Variants in MAN1A2 observed in about 807,000 individuals in gnomAD.
MAN1A2 encodes mannosyl-oligosaccharide 1,2-alpha-mannosidase IB.
Under a neutral mutation model 75.7 loss-of-function variants are expected in MAN1A2, and 26 were observed. That is an observed-to-expected ratio of 0.34 (90% CI 0.25 to 0.48). The LOEUF (loss-of-function observed/expected upper bound fraction) is 0.48. MAN1A2 is among the 20% of genes least tolerant of loss of function. The pLI is 0.99. For missense variants in MAN1A2, 562 were observed against 775.5 expected (o/e 0.72, Z 3.27); for synonymous variants, 247 against 264.6 (o/e 0.93, Z 0.65).
chr1:117,393,656 G>A (rs1257748710), intron 1 of MAN1A2, among the ~76,000 whole-genome samples: 6 of 151,982 alleles, frequency 3.9e-5, no homozygotes, highest in Non-Finnish European at 5.9e-5. Context: ...GATTCATTTA[G>A]CATTTTTTTT....
At chr1:117,439,601 C>T (rs1196967935) in intron 5 of MAN1A2, among the ~76,000 whole-genome samples, 1 of 151,852 alleles carries the variant, frequency 6.6e-6, no homozygotes, top group East Asian at 1.9e-4. Flanking sequence ...TCAAATGATT[C>T]TCCGGCCTCA....
chr1:117,481,430 C>G (rs1329712974), intron 8 of MAN1A2, among the ~76,000 whole-genome samples: 1 of 151,946 alleles, frequency 6.6e-6, no homozygotes, highest in Non-Finnish European at 1.5e-5. Flanking sequence ...ATTTGACCCT[C>G]TTACTGTCCT....
intron 8 of MAN1A2, among the ~76,000 whole-genome samples, chr1:117,478,100 G>A (rs754309063): frequency 6.6e-6 from 1 of 151,956 alleles, no homozygotes; most frequent in Non-Finnish European, 1.5e-5. Flanking sequence ...CCTCTTCAAG[G>A]AGAACTACAA....
chr1:117,428,029 A>G (rs1390615550), intron 5 of MAN1A2, among the ~76,000 whole-genome samples: 3 of 152,116 alleles, frequency 2.0e-5, no homozygotes, highest in African/African-American at 7.2e-5. Flanking sequence ...AATCCCTGGG[A>G]CAAACATTAA....
At chr1:117,376,454 C>T (rs937997073) in intron 1 of MAN1A2, among the ~76,000 whole-genome samples, 1 of 152,230 alleles carries the variant, frequency 6.6e-6, no homozygotes, top group Non-Finnish European at 1.5e-5. Flanking sequence ...ACCCTGCTAA[C>T]GTGGTACAAA....
intron 1 of MAN1A2, among the ~76,000 whole-genome samples, chr1:117,394,301 C>G (rs1212332666): frequency 6.6e-6 from 1 of 152,078 alleles, no homozygotes; most frequent in African/African-American, 2.4e-5. Context: ...CCAGGATGGT[C>G]TCAATCTCCT....
rs1651938647 is a variant in MAN1A2, at chr1:117,523,968, C to T, written c.*1011C>T. On this transcript the variant is annotated 3_prime_UTR_variant, in exon 13 of 13. Transcript: ENST00000356554. The stretch of plus-strand genomic sequence containing the variant: ...GCAGCTCTAAATTTGCCTTGATAAG[C>T]TAAATAAATTACTTTTATAACTTAC... The T allele has an allele frequency of 6.6e-6, 1 of 152,188 alleles. No homozygotes were observed. The highest frequency in any genetic ancestry group is 1.5e-5 in the Non-Finnish European group (1 of 67,824). 9.4% of individuals were successfully genotyped at this position (152,188 alleles called of 1,614,324 possible).
chr1:117,464,728 C>G (rs959738291), intron 7 of MAN1A2, among the ~76,000 whole-genome samples: 1 of 152,040 alleles, frequency 6.6e-6, no homozygotes, highest in Non-Finnish European at 1.5e-5. Flanking sequence ...CGCCTGCGAA[C>G]TTTGGTGAGG....
At chr1:117,510,150 T>A (rs1269764146) in intron 12 of MAN1A2, among the ~76,000 whole-genome samples, 1 of 151,984 alleles carries the variant, frequency 6.6e-6, no homozygotes, top group Non-Finnish European at 1.5e-5. Flanking sequence ...TTATAAACAG[T>A]GCTTCAGTGA....
At chr1:117,429,585 C>T (rs1648519634) in intron 5 of MAN1A2, among the ~76,000 whole-genome samples, 3 of 82,490 alleles carry the variant, frequency 3.6e-5, no homozygotes, top group African/African-American at 5.1e-5. Context: ...GGGGGGCTGA[C>T]CCCCCCACCT....
intron 2 of MAN1A2, among the ~76,000 whole-genome samples, chr1:117,404,748 G>C (rs1647559605): frequency 6.6e-6 from 1 of 152,088 alleles, no homozygotes; most frequent in Non-Finnish European, 1.5e-5. Flanking sequence ...TCTGCTTGCT[G>C]TCTGTTTTTT....
chr1:117,444,899 T>A (rs1454357996), intron 6 of MAN1A2, among the ~76,000 whole-genome samples: 1 of 152,178 alleles, frequency 6.6e-6, no homozygotes, highest in South Asian at 2.1e-4. Context: ...TCCATCTATA[T>A]TTTTTACATT....
At chr1:117,386,469 C>T (rs1040478594) in intron 1 of MAN1A2, among the ~76,000 whole-genome samples, 3 of 151,964 alleles carry the variant, frequency 2.0e-5, no homozygotes, top group Non-Finnish European at 4.4e-5. Flanking sequence ...GGTGGTTGTG[C>T]ACAATAAATA....
Position 117,445,884 on chromosome 1 carries a change from G to GTATA in MAN1A2, c.950+3571_950+3574dup, listed in dbSNP as rs59011673. On this transcript the variant is annotated intron_variant, in intron 6 of 12. Coordinates refer to ENST00000356554, the MANE Select transcript of MAN1A2 (RefSeq NM_006699.5). ...TATGTGTGTGTGTGTCTGTGTGTGT[G>GTATA]TATATATATATATATGTATATATGT... Among the ~76,000 whole-genome samples, 587 of 138,750 alleles carry GTATA rather than the reference G, an allele frequency of 4.2e-3. 6 individuals are homozygous for GTATA. The highest frequency in any genetic ancestry group is 0.014 in the African/African-American group (559 of 38,934). 91.0% of individuals were successfully genotyped at this position (138,750 alleles called of 152,430 possible).
At chr1:117,418,947 A>C (rs555037162) in intron 4 of MAN1A2, among the ~76,000 whole-genome samples, 18 of 152,180 alleles carry the variant, frequency 1.2e-4, no homozygotes, top group Non-Finnish European at 2.5e-4. Context: ...GGTGACATTT[A>C]TTCAGAGACC....
At chr1:117,453,300 A>G (rs1304625148) in intron 6 of MAN1A2, among the ~76,000 whole-genome samples, 2 of 152,188 alleles carry the variant, frequency 1.3e-5, no homozygotes, top group African/African-American at 2.4e-5. Flanking sequence ...TATAGCTGCC[A>G]TATATAGTGA....
intron 1 of MAN1A2, among the ~76,000 whole-genome samples, chr1:117,372,169 T>C (rs1389800928): frequency 6.6e-6 from 1 of 152,188 alleles, no homozygotes; most frequent in African/African-American, 2.4e-5. Flanking sequence ...GATTACTTAC[T>C]GGATGGTAAG....
intron 6 of MAN1A2, among the ~76,000 whole-genome samples, chr1:117,450,930 TGG>T (rs1185454932): frequency 6.6e-6 from 1 of 152,136 alleles, no homozygotes; most frequent in Admixed American, 6.5e-5. Context: ...AAGGGAAATG[TGG>T]GGTTGGAGCC....
Position 117,390,357 on chromosome 1 carries a change from G to GT in MAN1A2, c.303-11817dup, listed in dbSNP as rs926777520. ...TCTAGTTCCTGAGTTCACTTGAGTA[G>GT]TTTTTTTTTTTTAAACAAGGAATGT... is the stretch of plus-strand genomic sequence containing the variant. On this transcript the variant is annotated intron_variant, in intron 1 of 12. Transcript: ENST00000356554. Among the ~76,000 whole-genome samples, 866 of 145,426 alleles carry GT rather than the reference G, an allele frequency of 6.0e-3. 1 individual carries two copies. Among genetic ancestry groups the GT allele is most frequent in the Admixed American group, 0.01 (150 of 14,550 alleles).
Sources: gnomAD v4.1 joint callset for allele counts (sites outside exome capture counted in the v4.1 genomes callset) on GRCh38, gnomAD v4.1.1 for gene constraint, MANE v1.5 for transcripts, NCBI Gene and HGNC (gene_info 2026-07-23, HGNC 2026-07-21) for gene names.